BCKDHB: variants seen among roughly 807,000 people sequenced by gnomAD.
BCKDHB encodes the protein branched chain keto acid dehydrogenase E1 subunit beta, also known as 2-oxoisovalerate dehydrogenase subunit beta, mitochondrial.
BCKDHB carries 41 observed loss-of-function variants against 48.5 expected under a neutral mutation model. The observed-to-expected ratio is 0.85, with a 90% CI of 0.66 to 1.10. BCKDHB has a LOEUF of 1.10. BCKDHB is among the 50% of genes least tolerant of loss of function. BCKDHB has a pLI of 0.00. For missense variants in BCKDHB, 496 were observed against 494.2 expected (o/e 1.00, Z -0.03); for synonymous variants, 201 against 174.8 (o/e 1.15, Z -1.18).
At chr6:80,333,531 C>T (rs1541210) in intron 9 of BCKDHB, among the ~76,000 whole-genome samples, 117,982 of 152,010 alleles carry the variant, frequency 0.78, 46,156 homozygotes, top group Admixed American at 0.84. Flanking sequence ...TCTGGATTTC[C>T]GCCAGGATGG....
chr6:80,147,798 A>G (rs1159773883), intron 3 of BCKDHB, among the ~76,000 whole-genome samples: 1 of 152,168 alleles, frequency 6.6e-6, no homozygotes, highest in Non-Finnish European at 1.5e-5. Context: ...CAGGTCTGAG[A>G]ACCACAGCAC....
chr6:80,408,757 A>G, the BCKDHB span, among the ~76,000 whole-genome samples: 3 of 139,112 alleles, frequency 2.2e-5, no homozygotes, highest in Non-Finnish European at 3.1e-5. Flanking sequence ...TTTCTTCTTT[A>G]TTAGTGTTGC....
At chr6:80,129,015 G>A (rs998498759) in intron 2 of BCKDHB, 146 bp from the exon 3 acceptor site, 6 of 646,004 alleles carry the variant, frequency 9.3e-6, no homozygotes, top group East Asian at 3.0e-5. Flanking sequence ...TGTCAATAAT[G>A]TAGAAGTTGA....
chr6:80,316,271 CTTGT>C (rs72245518), intron 9 of BCKDHB, among the ~76,000 whole-genome samples: 2,711 of 152,204 alleles, frequency 0.018, 69 homozygotes, highest in African/African-American at 0.062. Context: ...TTAAGCCATG[CTTGT>C]TTTAGATTTC....
At chr6:80,306,609 G>A (rs545607493) in intron 9 of BCKDHB, among the ~76,000 whole-genome samples, 1 of 152,334 alleles carries the variant, frequency 6.6e-6, no homozygotes, top group South Asian at 2.1e-4. Context: ...TGGCAACAGT[G>A]TGTGTTGATA....
chr6:80,121,260 C>T (rs188925055), intron 1 of BCKDHB, among the ~76,000 whole-genome samples: 6 of 152,308 alleles, frequency 3.9e-5, no homozygotes, highest in Admixed American at 6.5e-5. Context: ...GTTTTGGTTA[C>T]TGTAGCCTTG....
chr6:80,237,058 G>T (rs1562162977), intron 8 of BCKDHB, among the ~76,000 whole-genome samples: 1 of 152,012 alleles, frequency 6.6e-6, no homozygotes, highest in Non-Finnish European at 1.5e-5. Context: ...CATTCTGAGA[G>T]AATTTTATAA....
At chr6:80,184,800 A>G (rs1215830305) in intron 6 of BCKDHB, among the ~76,000 whole-genome samples, 1 of 152,168 alleles carries the variant, frequency 6.6e-6, no homozygotes, top group Middle Eastern at 3.2e-3. Flanking sequence ...CTGCTGAGAA[A>G]TCTGCTGTTA....
At chr6:80,415,859 T>C in the BCKDHB span, among the ~76,000 whole-genome samples, 1 of 152,028 alleles carries the variant, frequency 6.6e-6, no homozygotes, top group South Asian at 2.1e-4. Flanking sequence ...CCAGCTCTTC[T>C]TTGTAAATGT....
In BCKDHB at chr6:80,280,646, TAAA is replaced by T. The variant is rs146640958; in HGVS notation, c.1038+7428_1038+7430del. On this transcript the variant is annotated intron_variant, in intron 9 of 9. Coordinates refer to ENST00000320393, the MANE Select transcript of BCKDHB (RefSeq NM_183050.4). Reference sequence around the variant, plus strand: ...CCATGTGAAAAAATATGTATATAAATAAAAATATATATCATCTAGGTTTGTGAA... The same window carrying T: ...CCATGTGAAAAAATATGTATATAAATAATATATATCATCTAGGTTTGTGAA... Among the ~76,000 whole-genome samples the T allele has an allele frequency of 2.6e-5, 4 of 152,212 alleles. No homozygotes were observed. In the South Asian group the frequency reaches 8.3e-4, roughly 32 times the overall value.
chr6:80,211,860 C>T (rs2127843155), intron 8 of BCKDHB, among the ~76,000 whole-genome samples: 1 of 152,222 alleles, frequency 6.6e-6, no homozygotes, highest in East Asian at 1.9e-4. Context: ...GACTGTGATG[C>T]CCACCTGAGC....
intron 3 of BCKDHB, among the ~76,000 whole-genome samples, chr6:80,139,134 A>G (rs368002364): frequency 6.6e-6 from 1 of 152,056 alleles, no homozygotes; most frequent in Non-Finnish European, 1.5e-5. Flanking sequence ...TCCTTCGCCC[A>G]CTTTTTGATG....
intron 9 of BCKDHB, among the ~76,000 whole-genome samples, chr6:80,301,178 A>G (rs1044169668): frequency 1.3e-5 from 2 of 152,168 alleles, no homozygotes; most frequent in Non-Finnish European, 2.9e-5. Context: ...AGGAAAATAA[A>G]TAACAAAAAT....
chr6:80,219,048 G>A (rs186616099), intron 8 of BCKDHB, among the ~76,000 whole-genome samples: 1 of 151,576 alleles, frequency 6.6e-6, no homozygotes, highest in Admixed American at 6.6e-5. Flanking sequence ...TCAATGTCTT[G>A]CCACATTCTG....
At chr6:80,259,918 C>T (rs1777222447) in intron 8 of BCKDHB, among the ~76,000 whole-genome samples, 1 of 152,140 alleles carries the variant, frequency 6.6e-6, no homozygotes, top group Non-Finnish European at 1.5e-5. Flanking sequence ...ATCCACAACT[C>T]CAACCCCACA....
chr6:80,411,459 T>C, the BCKDHB span, among the ~76,000 whole-genome samples: 1 of 152,202 alleles, frequency 6.6e-6, no homozygotes, highest in Non-Finnish European at 1.5e-5. Flanking sequence ...TTCTCAGAGC[T>C]CAAACGCTGT....
chr6:80,396,020 G>C, the BCKDHB span, among the ~76,000 whole-genome samples: 12 of 152,188 alleles, frequency 7.9e-5, no homozygotes, highest in Non-Finnish European at 1.6e-4. Context: ...GTATGGAAAT[G>C]CCTGGATGTC....
At chr6:80,405,337 T>C in the BCKDHB span, among the ~76,000 whole-genome samples, 2 of 152,170 alleles carry the variant, frequency 1.3e-5, no homozygotes, top group Admixed American at 6.5e-5. Flanking sequence ...TTTTGTCTTA[T>C]ATAAGTATAG....
intron 3 of BCKDHB, chr6:80,135,782 T>C (rs1770855966): frequency 6.6e-6 from 1 of 152,192 alleles, no homozygotes; most frequent in Admixed American, 6.5e-5. Context: ...AGAACTTTTT[T>C]CATCTTACAA....
Sources: gnomAD v4.1 joint callset for allele counts (sites outside exome capture counted in the v4.1 genomes callset) on GRCh38, gnomAD v4.1.1 for gene constraint, MANE v1.5 for transcripts, NCBI Gene and HGNC (gene_info 2026-07-23, HGNC 2026-07-21) for gene names.